The following NRP2 variants were observed in gnomAD, a reference collection of about 807,000 sequenced individuals.
The protein encoded by NRP2 is neuropilin-2.
NRP2 carries 52 observed loss-of-function variants against 110.4 expected under a neutral mutation model. The observed-to-expected ratio is 0.47, with a 90% CI of 0.38 to 0.59. The LOEUF is 0.59. NRP2 is among the 20% of genes least tolerant of loss of function. The pLI is 0.00. For missense variants in NRP2, 1,049 were observed against 1,203.0 expected (o/e 0.87, Z 1.89); for synonymous variants, 508 against 468.9 (o/e 1.08, Z -1.08).
At chr2:205,780,085 T>C (rs549629621) in intron 15 of NRP2, among the ~76,000 whole-genome samples, 1 of 152,358 alleles carries the variant, frequency 6.6e-6, no homozygotes, top group East Asian at 1.9e-4. Context: ...AGCTGAATCC[T>C]GTACCCAGCT....
intron 15 of NRP2, among the ~76,000 whole-genome samples, chr2:205,774,116 G>A (rs569637158): frequency 2.6e-5 from 4 of 152,256 alleles, no homozygotes; most frequent in African/African-American, 9.6e-5. Context: ...GTGCATTTTT[G>A]TAAGCTCATA....
intron 7 of NRP2, among the ~76,000 whole-genome samples, chr2:205,733,709 C>G (rs2057285910): frequency 6.6e-6 from 1 of 152,066 alleles, no homozygotes; most frequent in African/African-American, 2.4e-5. Flanking sequence ...CCGAGTTTCT[C>G]CTTCCCTCTT....
chr2:205,722,165 TCTCTCATACACACACA>T (rs2057028861), intron 3 of NRP2: 3 of 337,326 alleles, frequency 8.9e-6, no homozygotes, highest in African/African-American at 7.0e-5. Context: ...TCTCTCTCTC[TCTCTCATACACACACA>T]CACACACACA....
intron 3 of NRP2, among the ~76,000 whole-genome samples, chr2:205,716,869 C>T (rs147983028): frequency 3.3e-5 from 5 of 152,222 alleles, no homozygotes; most frequent in Admixed American, 1.3e-4. Flanking sequence ...AATAAGGTTC[C>T]TAGAAATTCC....
At position 205,795,286 on chromosome 2, in the gene NRP2, G is replaced by A. The variant is rs536332077; in HGVS notation, c.*228G>A. 413 of 532,392 alleles carry A rather than the reference G, an allele frequency of 7.8e-4. No individual in the cohort carries two copies. The highest frequency in any genetic ancestry group is 4.9e-3 in the African/African-American group (258 of 52,774). The allele number at this position is 532,392 out of a possible 1,614,324, so 33.0% of individuals were successfully genotyped here. On this transcript the variant is annotated 3_prime_UTR_variant, in exon 17 of 17. Coordinates refer to ENST00000357785, the MANE Select transcript of NRP2 (RefSeq NM_003872.3). ...GCGGTGGCTAAGTCATTGCAGGAAC[G>A]GGGCTGTGTTCTCTGCTGGGACAAA...
At chr2:205,772,620 T>G (rs2058039488) in intron 15 of NRP2, among the ~76,000 whole-genome samples, 1 of 152,192 alleles carries the variant, frequency 6.6e-6, no homozygotes, top group South Asian at 2.1e-4. Flanking sequence ...AAAAGACATG[T>G]GAGTAAGCGG....
intron 15 of NRP2, among the ~76,000 whole-genome samples, chr2:205,773,205 C>A (rs760169058): frequency 3.3e-5 from 5 of 152,230 alleles, no homozygotes; most frequent in Non-Finnish European, 7.3e-5. Context: ...GCACACTCCA[C>A]CTGCCTTTGG....
intron 1 of NRP2, among the ~76,000 whole-genome samples, chr2:205,687,939 C>T (rs1481239000): frequency 6.6e-6 from 1 of 152,048 alleles, no homozygotes; most frequent in Non-Finnish European, 1.5e-5. Flanking sequence ...TTCTGGGGAC[C>T]CTGGTGTTTT....
intron 1 of NRP2, 51 bp from the exon 2 acceptor site, chr2:205,697,490 GGAA>G: frequency 6.7e-7 from 1 of 1,495,596 alleles, no homozygotes; most frequent in South Asian, 1.1e-5. Flanking sequence ...GAGTGTGGGG[GGAA>G]GAAAGTTGTA....
intron 10 of NRP2, 130 bp from the exon 11 acceptor site, chr2:205,749,595 A>G (rs2057604212): frequency 8.0e-6 from 6 of 754,078 alleles, no homozygotes; most frequent in South Asian, 7.4e-5. Context: ...GCACACAGAC[A>G]TGACTTCAGA....
intron 10 of NRP2, among the ~76,000 whole-genome samples, chr2:205,748,685 AG>A (rs1055955563): frequency 6.6e-6 from 1 of 152,190 alleles, no homozygotes; most frequent in Non-Finnish European, 1.5e-5. Context: ...AGTAGTGCAA[AG>A]GAGCATGTAT....
intron 15 of NRP2, among the ~76,000 whole-genome samples, chr2:205,783,780 G>T (rs2058204401): frequency 6.6e-6 from 1 of 152,222 alleles, no homozygotes; most frequent in African/African-American, 2.4e-5. Context: ...CAAAAGCACT[G>T]CCCTCATTTC....
At chr2:205,764,084 T>C in intron 13 of NRP2, 148 bp downstream of exon 13, 1 of 984,602 alleles carries the variant, frequency 1.0e-6, no homozygotes, top group Non-Finnish European at 1.5e-6. Flanking sequence ...TCTTATTTGT[T>C]ATTCAGAATA....
At chr2:205,753,293 GT>G (rs2057681836) in intron 12 of NRP2, among the ~76,000 whole-genome samples, 1 of 152,190 alleles carries the variant, frequency 6.6e-6, no homozygotes, top group Non-Finnish European at 1.5e-5. Context: ...GTGTCCTCTT[GT>G]TCCCATAGCC....
chr2:205,751,069 A>AGAAGAAGGAGACTT (rs1178309345), intron 11 of NRP2, among the ~76,000 whole-genome samples: 1 of 152,124 alleles, frequency 6.6e-6, no homozygotes, highest in Non-Finnish European at 1.5e-5. Context: ...TTTTATGGAG[A>AGAAGAAGGAGACTT]GAAGAAGGAG....
chr2:205,763,914 C>A lies in NRP2; in HGVS notation c.2285C>A (p.Pro762His), dbSNP rs371362396. The A allele has an allele frequency of 8.7e-6, 14 of 1,613,938 alleles. No homozygotes were observed. Among genetic ancestry groups the A allele is most frequent in the Non-Finnish European group, 1.1e-5 (13 of 1,179,984 alleles). ...TGGAAGCACGGGCGGATCATCCTGC[C>A]CAGCTACGACATGGAGTACCAGGTG... The part of the protein sequence containing the change: ...GEWKHGRIIL[P>H]SYDMEYQIVF... Residue 762 changes from proline (P) to histidine (H), a missense_variant, in exon 13 of 17, where the codon CCC (proline) becomes CAC (histidine). Pro to His is a moderately conservative substitution (Grantham distance 77). Coordinates refer to ENST00000357785, the MANE Select transcript of NRP2 (RefSeq NM_003872.3). The surrounding 1 kb of genome is among the most constrained non-coding windows in gnomAD (Gnocchi z 4.0).
intron 7 of NRP2, among the ~76,000 whole-genome samples, chr2:205,734,148 T>C (rs1015953331): frequency 5.3e-5 from 8 of 150,224 alleles, no homozygotes; most frequent in Non-Finnish European, 1.2e-4. Context: ...CATCCCTACC[T>C]TCTCTTAATC....
chr2:205,745,150 A>G (rs849566), intron 9 of NRP2, among the ~76,000 whole-genome samples: 148,762 of 152,220 alleles, frequency 0.98, 72,780 homozygotes, highest in East Asian at 1. Flanking sequence ...CTGGGGCTCC[A>G]TGTGAGGTTT....
In NRP2 at chr2:205,745,786, G is replaced by A. The variant is rs766899842; in HGVS notation, c.1682G>A (p.Arg561Gln). The change falls in exon 10 of 17, where the codon CGA becomes CAA. Residue 561 changes from arginine (R) to glutamine (Q), a missense_variant. Arg to Gln is a conservative substitution (Grantham distance 43). Transcript: ENST00000357785. ...GNMHYDTPDI[R>Q]RFDPIPAQYV... is the part of the protein sequence containing the mutation. ...ATGCACTATGACACCCCTGACATCC[G>A]AAGGTTTGACCCCATTCCGGCACAG... 12 of 1,614,116 alleles carry A rather than the reference G, an allele frequency of 7.4e-6. No homozygotes were observed. The highest frequency in any genetic ancestry group is 9.3e-6 in the Non-Finnish European group (11 of 1,180,052).
Sources: allele counts gnomAD v4.1 joint callset (sites outside exome capture counted in the v4.1 genomes callset), GRCh38; gene constraint gnomAD v4.1.1; non-coding constraint Gnocchi (gnomAD v3.1); transcripts MANE v1.5; gene names NCBI Gene and HGNC (gene_info 2026-07-23, HGNC 2026-07-21).